Variants in STS observed in about 807,000 individuals in gnomAD.
STS encodes the protein steroid sulfatase, also known as steryl-sulfatase.
Under a neutral mutation model 26.8 loss-of-function variants are expected in STS, and 7 were observed. That is an observed-to-expected ratio of 0.26 (90% CI 0.15 to 0.49). STS has a LOEUF of 0.49. Ranked by LOEUF, STS falls within the 20% of genes least tolerant of loss-of-function variation. The pLI is 0.98. For missense variants in STS, 434 were observed against 465.6 expected (o/e 0.93, Z 0.63); for synonymous variants, 199 against 189.4 (o/e 1.05, Z -0.42).
chrX:7,353,776 GA>G lies in STS; in HGVS notation c.*3516del, dbSNP rs1367658982. The G allele has an allele frequency of 9.0e-6, 1 of 111,575 alleles. No homozygotes were observed. Among genetic ancestry groups the G allele is most frequent in the Non-Finnish European group, 1.9e-5 (1 of 53,161 alleles). The allele number at this position is 111,575 out of a possible 1,213,427, so 9.2% of individuals were successfully genotyped here. A position where few individuals can be genotyped will look rare whatever the true frequency, so the allele number is the denominator to read the frequency against. On this transcript the variant is annotated 3_prime_UTR_variant, in exon 11 of 11. Transcript: ENST00000674429. Reference sequence around the variant, plus strand: ...AAAAGTGTCCATAAAGAGGCTGCTGGAGAGTGCGTGGCCATAGGGAGCCGAC... The same window carrying G: ...AAAAGTGTCCATAAAGAGGCTGCTGGGAGTGCGTGGCCATAGGGAGCCGAC...
At chrX:7,217,497 A>G (rs1390230996) in intron 2 of STS, among the ~76,000 whole-genome samples, 1 of 111,719 alleles carries the variant, frequency 9.0e-6, no homozygotes, top group African/African-American at 3.3e-5. Context: ...TCGGCCCCCT[A>G]TGGCCATGCA....
chrX:7,180,679 G>A (rs908185174), intron 1 of STS, among the ~76,000 whole-genome samples: 1 of 112,066 alleles, frequency 8.9e-6, no homozygotes, highest in Non-Finnish European at 1.9e-5. Flanking sequence ...GTAAAACTAG[G>A]TGTTAATTTA....
intron 2 of STS, among the ~76,000 whole-genome samples, chrX:7,231,398 T>A: frequency 8.9e-6 from 1 of 112,218 alleles, no homozygotes; most frequent in Non-Finnish European, 1.9e-5. Context: ...AACTATGAGT[T>A]CAAGGCTTCA....
intron 2 of STS, among the ~76,000 whole-genome samples, chrX:7,225,521 C>G (rs1161082826): frequency 8.9e-6 from 1 of 111,755 alleles, no homozygotes; most frequent in Admixed American, 9.5e-5. Context: ...GTGTTGCCTA[C>G]AAGGGAAGCT....
At chrX:7,315,844 G>A (rs1187681705) in intron 8 of STS, among the ~76,000 whole-genome samples, 4 of 111,307 alleles carry the variant, frequency 3.6e-5, no homozygotes, top group African/African-American at 1.3e-4. Flanking sequence ...CCAGATTGAG[G>A]GTGGGTCTGC....
chrX:7,327,445 G>A (rs1454875851), intron 9 of STS, among the ~76,000 whole-genome samples: 7 of 104,458 alleles, frequency 6.7e-5, no homozygotes, highest in East Asian at 3.0e-4. Context: ...GTGCAGTGGC[G>A]CGATCTCAGC....
At chrX:7,327,388 C>CTT (rs1241631906) in intron 9 of STS, among the ~76,000 whole-genome samples, 3 of 91,360 alleles carry the variant, frequency 3.3e-5, no homozygotes, top group Non-Finnish European at 4.5e-5. Context: ...TTTTTTTTTT[C>CTT]TTTTTTTTTT....
intron 2 of STS, among the ~76,000 whole-genome samples, chrX:7,200,223 T>G (rs1235312015): frequency 9.0e-6 from 1 of 111,340 alleles, no homozygotes; most frequent in East Asian, 2.8e-4. Context: ...TACTGCTAAC[T>G]CCCCAAATTT....
At chrX:7,252,321 C>T (rs1174108127) in intron 2 of STS, 1 of 746,256 alleles carries the variant, frequency 1.3e-6, no homozygotes, top group Admixed American at 8.9e-5. Flanking sequence ...GGTGGGAAGA[C>T]TAGAAGGACA....
intron 1 of STS, among the ~76,000 whole-genome samples, chrX:7,161,186 C>T (rs1170181453): frequency 1.8e-5 from 2 of 108,446 alleles, no homozygotes; most frequent in African/African-American, 6.7e-5. Flanking sequence ...AGGCTGGTCT[C>T]GAACTCCTGA....
chrX:7,265,131 C>A (rs1364101558), intron 6 of STS, among the ~76,000 whole-genome samples: 1 of 108,628 alleles, frequency 9.2e-6, no homozygotes, highest in Admixed American at 1.0e-4. Flanking sequence ...AGTGTGTGAG[C>A]TTTACTGTGT....
chrX:7,230,528 T>C (rs1922011528), intron 2 of STS, among the ~76,000 whole-genome samples: 1 of 112,107 alleles, frequency 8.9e-6, no homozygotes, highest in African/African-American at 3.2e-5. Context: ...CTCACACTGC[T>C]ATAAAGAAAT....
At chrX:7,308,829 G>C (rs903059988) in intron 8 of STS, among the ~76,000 whole-genome samples, 3 of 111,430 alleles carry the variant, frequency 2.7e-5, no homozygotes, top group East Asian at 5.7e-4. Flanking sequence ...TGGGAAGTAG[G>C]CTTCTGAGTG....
chrX:7,278,040 A>G (rs187770461), intron 7 of STS, among the ~76,000 whole-genome samples: 13 of 112,480 alleles, frequency 1.2e-4, no homozygotes, highest in Non-Finnish European at 2.3e-4. Flanking sequence ...TAGAAAGTCT[A>G]ACTTCCAGTG....
At chrX:7,219,267 C>G (rs1921439733) in intron 2 of STS, among the ~76,000 whole-genome samples, 1 of 111,890 alleles carries the variant, frequency 8.9e-6, no homozygotes, top group East Asian at 2.8e-4. Flanking sequence ...CTGTAAGTTT[C>G]ATAACACTGC....
At chrX:7,203,992 G>A (rs915667078) in intron 2 of STS, among the ~76,000 whole-genome samples, 7 of 111,012 alleles carry the variant, frequency 6.3e-5, no homozygotes, top group African/African-American at 1.6e-4. Flanking sequence ...GCCATCTTGC[G>A]CAGGCTGCTC....
intron 2 of STS, among the ~76,000 whole-genome samples, chrX:7,243,506 G>C (rs1440596939): frequency 8.9e-6 from 1 of 111,958 alleles, no homozygotes; most frequent in Admixed American, 9.5e-5. Context: ...GATGAGGCCA[G>C]AGCTCTGACT....
intron 2 of STS, among the ~76,000 whole-genome samples, chrX:7,196,495 T>G (rs1933973913): frequency 1.1e-5 from 1 of 88,404 alleles, no homozygotes; most frequent in African/African-American, 4.3e-5. Flanking sequence ...TTCTTGTCCT[T>G]TCTTACTGTA....
intron 1 of STS, among the ~76,000 whole-genome samples, chrX:7,180,377 A>G (rs752636612): frequency 8.9e-6 from 1 of 111,734 alleles, no homozygotes; most frequent in Non-Finnish European, 1.9e-5. Flanking sequence ...TCACACTCCT[A>G]TGAGAATCTA....
Sources: allele counts gnomAD v4.1 joint callset (sites outside exome capture counted in the v4.1 genomes callset), GRCh38; gene constraint gnomAD v4.1.1; transcripts MANE v1.5; gene names NCBI Gene and HGNC (gene_info 2026-07-23, HGNC 2026-07-21).